The following GABBR2 variants were observed in gnomAD, a reference collection of about 807,000 sequenced individuals.
GABBR2 encodes G-protein coupled receptor 51.
In GABBR2, 23 loss-of-function variants were observed where a neutral mutation model predicts 105.6. The ratio of observed to expected loss-of-function variants is 0.22; its 90% CI spans 0.16 to 0.31. The LOEUF (loss-of-function observed/expected upper bound fraction) is 0.31, where lower values mean the gene tolerates loss of function less well. Ranked by LOEUF, GABBR2 falls within the 10% of genes least tolerant of loss-of-function variation. The pLI, the probability that GABBR2 is intolerant of heterozygous loss-of-function variation, is 1.00. For synonymous variants in GABBR2, 478 were observed against 499.7 expected, an observed-to-expected ratio of 0.96 and a Z score of 0.58; for missense variants, 734 against 1,245.5, an observed-to-expected ratio of 0.59 and a Z score of 6.18.
chr9:98,334,497 G>T (rs1260931468), intron 13 of GABBR2, among the ~76,000 whole-genome samples: 1 of 152,216 alleles, frequency 6.6e-6, no homozygotes, highest in Non-Finnish European at 1.5e-5. Flanking sequence ...CTAAAATGGG[G>T]ATGTCAAGGT....
Position 98,303,358 on chromosome 9 carries a change from A to G in GABBR2, c.2295T>C (p.Asn765=), listed in dbSNP as rs201747907. ...TQNRRFQFTQ[N]QKKEDSKTST... ...ACGTTTTAGAATCTTCTTTCTTCTG[A>G]TTCTGAGTGAACTGGAATCGCCTGT... Residue 765 remains asparagine, a synonymous_variant, in exon 16 of 19, where the codon AAT becomes AAC. Coordinates refer to ENST00000259455, the MANE Select transcript of GABBR2 (RefSeq NM_005458.8). 1.4e-4 allele frequency: 220 copies of G among 1,614,134 alleles called. No individual in the cohort carries two copies. Among genetic ancestry groups the G allele is most frequent in the Non-Finnish European group, 1.6e-4 (187 of 1,179,994 alleles).
chr9:98,576,302 G>T (rs1008974979), intron 2 of GABBR2, among the ~76,000 whole-genome samples: 1 of 152,150 alleles, frequency 6.6e-6, no homozygotes, highest in Non-Finnish European at 1.5e-5. Context: ...TCTGTTCCAC[G>T]AATACACCAG....
intron 1 of GABBR2, among the ~76,000 whole-genome samples, chr9:98,611,794 C>T (rs1829510758): frequency 1.3e-5 from 2 of 152,232 alleles, no homozygotes; most frequent in African/African-American, 2.4e-5. Flanking sequence ...ATCTGTCTGC[C>T]TCACTAGACC....
chr9:98,326,004 A>G (rs541814727), intron 13 of GABBR2, among the ~76,000 whole-genome samples: 1 of 152,172 alleles, frequency 6.6e-6, no homozygotes, highest in Non-Finnish European at 1.5e-5. Flanking sequence ...CTCGTCCCTC[A>G]TGACCTTTGA....
chr9:98,329,584 G>A (rs1474791829), intron 13 of GABBR2, among the ~76,000 whole-genome samples: 1 of 152,180 alleles, frequency 6.6e-6, no homozygotes, highest in Admixed American at 6.5e-5. Flanking sequence ...CCTGTGGCTT[G>A]GGCCCCTGAG....
At chr9:98,574,000 G>A (rs75220261) in intron 2 of GABBR2, among the ~76,000 whole-genome samples, 1 of 152,136 alleles carries the variant, frequency 6.6e-6, no homozygotes, top group African/African-American at 2.4e-5. Flanking sequence ...TTTTTGAGCG[G>A]GGAATGGGCG....
intron 3 of GABBR2, among the ~76,000 whole-genome samples, chr9:98,506,474 C>T (rs943377340): frequency 2.6e-5 from 4 of 152,210 alleles, no homozygotes; most frequent in African/African-American, 4.8e-5. Context: ...CTAGACCCAT[C>T]TTGAGCTGGT....
intron 1 of GABBR2, among the ~76,000 whole-genome samples, chr9:98,633,433 G>T (rs1829838743): frequency 6.6e-6 from 1 of 152,038 alleles, no homozygotes; most frequent in Non-Finnish European, 1.5e-5. Flanking sequence ...GAGCAGCCTG[G>T]CCAACGTGGT....
At position 98,708,521 on chromosome 9, in the gene GABBR2, T is replaced by A; in HGVS notation, c.217A>T (p.Ile73Phe). ...PLTKEVAKGS[I>F]GRGVLPAVEL... is the part of the protein sequence containing the mutation. ...ACGGCGGGGAGCACACCGCGCCCGA[T>A]GCTGCCCTTGGCCACCTCCTTGGTG... Residue 73 changes from isoleucine (I) to phenylalanine (F), a missense_variant, in exon 1 of 19, where the codon ATC (isoleucine) becomes TTC (phenylalanine). Physicochemically the swap from Ile to Phe is conservative, Grantham distance 21. Coordinates refer to ENST00000259455, the MANE Select transcript of GABBR2 (RefSeq NM_005458.8). 6.3e-7 allele frequency: 1 copy of A among 1,598,466 alleles called. No individual in the cohort carries two copies. The highest frequency in any genetic ancestry group is 8.5e-7 in the Non-Finnish European group (1 of 1,175,360).
intron 13 of GABBR2, among the ~76,000 whole-genome samples, chr9:98,321,986 A>G (rs7023350): frequency 0.068 from 10,375 of 151,734 alleles, 902 homozygotes; most frequent in East Asian, 0.26. Flanking sequence ...CCCCTTCAGC[A>G]AGCTTCTTGA....
intron 13 of GABBR2, among the ~76,000 whole-genome samples, chr9:98,317,249 C>T (rs1830733882): frequency 6.6e-6 from 1 of 152,236 alleles, no homozygotes; most frequent in Non-Finnish European, 1.5e-5. Flanking sequence ...GAAGTGCTCA[C>T]ACCTGACTTC....
intron 13 of GABBR2, among the ~76,000 whole-genome samples, chr9:98,344,340 C>A (rs1367259637): frequency 6.6e-6 from 1 of 152,088 alleles, no homozygotes; most frequent in African/African-American, 2.4e-5. Flanking sequence ...TCCTTTTTTC[C>A]AAGAATACAA....
chr9:98,590,055 T>A (rs767942628), intron 1 of GABBR2, among the ~76,000 whole-genome samples: 3 of 152,152 alleles, frequency 2.0e-5, no homozygotes, highest in African/African-American at 7.2e-5. Flanking sequence ...TTCGCCTCTG[T>A]CCCCCTTTGC....
At chr9:98,450,020 A>G (rs1438970086) in intron 7 of GABBR2, among the ~76,000 whole-genome samples, 1 of 152,214 alleles carries the variant, frequency 6.6e-6, no homozygotes, top group Non-Finnish European at 1.5e-5. Context: ...ACATTTCTTC[A>G]TCCATATGCC....
At chr9:98,462,572 G>A (rs1043894381) in intron 6 of GABBR2, among the ~76,000 whole-genome samples, 18 of 152,176 alleles carry the variant, frequency 1.2e-4, no homozygotes, top group South Asian at 4.1e-4. Flanking sequence ...TTAGTCATCA[G>A]GGAAATGCAA....
chr9:98,309,534 A>C (rs1032993442), intron 14 of GABBR2, among the ~76,000 whole-genome samples: 4 of 152,240 alleles, frequency 2.6e-5, no homozygotes, highest in African/African-American at 4.8e-5. Context: ...GCCTGTTACA[A>C]GAATCCATCT....
At chr9:98,662,843 G>A (rs986168725) in intron 1 of GABBR2, among the ~76,000 whole-genome samples, 2 of 152,092 alleles carry the variant, frequency 1.3e-5, no homozygotes, top group Admixed American at 6.5e-5. Flanking sequence ...TGACCACCAG[G>A]CCAAAAACTA....
chr9:98,682,153 G>A (rs1202264668), intron 1 of GABBR2, among the ~76,000 whole-genome samples: 2 of 151,618 alleles, frequency 1.3e-5, no homozygotes, highest in African/African-American at 2.4e-5. Context: ...CTTGAACCCG[G>A]GAGGTGGAGG....
At chr9:98,641,390 G>A (rs1829960540) in intron 1 of GABBR2, among the ~76,000 whole-genome samples, 1 of 151,200 alleles carries the variant, frequency 6.6e-6, no homozygotes, top group Admixed American at 6.6e-5. Flanking sequence ...CGCCCACCTC[G>A]GCCTCCCAAA....
Sources: gnomAD v4.1 joint callset for allele counts (sites outside exome capture counted in the v4.1 genomes callset) on GRCh38, gnomAD v4.1.1 for gene constraint, MANE v1.5 for transcripts, NCBI Gene and HGNC (gene_info 2026-07-23, HGNC 2026-07-21) for gene names.